The following FGD4 variants were observed in gnomAD, a reference collection of about 807,000 sequenced individuals.
The protein encoded by FGD4 is FYVE, RhoGEF and PH domain containing 4.
A neutral mutation model predicts 102.0 loss-of-function variants in FGD4; 42 were observed. The observed-to-expected ratio is 0.41, with a 90% CI of 0.32 to 0.53. The LOEUF (loss-of-function observed/expected upper bound fraction) is 0.53. Among genes scored for constraint, FGD4 ranks in the 20% least tolerant of loss-of-function variants. The pLI is 0.21. For missense variants in FGD4, 902 were observed against 1,078.2 expected (o/e 0.84, Z 2.29); for synonymous variants, 380 against 375.7 (o/e 1.01, Z -0.13).
At chr12:32,578,988 CT>C (rs1946357712) in intron 3 of FGD4, among the ~76,000 whole-genome samples, 1 of 145,624 alleles carries the variant, frequency 6.9e-6, no homozygotes, top group Non-Finnish European at 1.5e-5. Context: ...CTAGGAACCA[CT>C]TTAAGATTTT....
In FGD4 at chr12:32,640,635, T is replaced by C. The variant is rs1592516577; in HGVS notation, c.*102T>C. ...TGCTAGCACTTTATGTTGAAAAATA[T>C]AGGCCCATAAATGCATCTTTTGAGG... On this transcript the variant is annotated 3_prime_UTR_variant, in exon 17 of 17. Coordinates refer to ENST00000534526, the MANE Select transcript of FGD4 (RefSeq NM_001370298.3). The C allele has an allele frequency of 6.5e-7, 1 of 1,528,374 alleles. No homozygotes were observed. Among genetic ancestry groups the C allele is most frequent in the Non-Finnish European group, 9.0e-7 (1 of 1,114,660 alleles). The allele number at this position is 1,528,374 out of a possible 1,614,324, so 94.7% of individuals were successfully genotyped here. A position where few individuals can be genotyped will look rare whatever the true frequency, so the allele number is the denominator to read the frequency against.
At chr12:32,417,278 T>G (rs1340385206) in intron 1 of FGD4, among the ~76,000 whole-genome samples, 2 of 152,172 alleles carry the variant, frequency 1.3e-5, no homozygotes, top group Non-Finnish European at 2.9e-5. Flanking sequence ...TCAGCTTTTG[T>G]TTGTCTGGGA....
At chr12:32,569,421 G>A (rs1945461787) in intron 2 of FGD4, among the ~76,000 whole-genome samples, 1 of 152,114 alleles carries the variant, frequency 6.6e-6, no homozygotes, top group African/African-American at 2.4e-5. Context: ...TTGTCCACAT[G>A]CCCATTCTGC....
chr12:32,590,880 A>G (rs943904591), intron 4 of FGD4, among the ~76,000 whole-genome samples: 2 of 152,224 alleles, frequency 1.3e-5, no homozygotes, highest in Non-Finnish European at 2.9e-5. Context: ...GAACTTTGGA[A>G]TATCACAGAA....
chr12:32,585,614 C>G (rs948527222), intron 4 of FGD4, among the ~76,000 whole-genome samples: 67 of 151,882 alleles, frequency 4.4e-4, no homozygotes, highest in African/African-American at 1.6e-3. Context: ...GGCAGAGGAT[C>G]TCTCGAGTCC....
At chr12:32,499,600 A>G (rs1214525035) in intron 1 of FGD4, among the ~76,000 whole-genome samples, 1 of 152,196 alleles carries the variant, frequency 6.6e-6, no homozygotes, top group Non-Finnish European at 1.5e-5. Context: ...GAGTAAATAT[A>G]TTTTTAGAAG....
chr12:32,445,609 T>C (rs1228843195), intron 1 of FGD4, among the ~76,000 whole-genome samples: 1 of 152,360 alleles, frequency 6.6e-6, no homozygotes, highest in Middle Eastern at 3.4e-3. Context: ...CCTCTGTGCA[T>C]TGGCTATTTT....
At chr12:32,541,797 G>A (rs1942855857) in intron 1 of FGD4, among the ~76,000 whole-genome samples, 1 of 152,138 alleles carries the variant, frequency 6.6e-6, no homozygotes, top group Non-Finnish European at 1.5e-5. Context: ...TCAAAAAGAA[G>A]AATTTTGATC....
intron 1 of FGD4, among the ~76,000 whole-genome samples, chr12:32,485,442 T>TTC (rs1271830316): frequency 6.8e-6 from 1 of 146,800 alleles, no homozygotes; most frequent in Admixed American, 6.8e-5. Context: ...ACCAATTTTT[T>TTC]TTTTTTTTTT....
intron 11 of FGD4, among the ~76,000 whole-genome samples, chr12:32,620,454 T>C (rs1388491119): frequency 6.6e-6 from 1 of 152,026 alleles, no homozygotes; most frequent in Non-Finnish European, 1.5e-5. Context: ...TTTTATTTAT[T>C]GATTGGGAGA....
At chr12:32,519,901 C>G (rs1435229031) in intron 1 of FGD4, among the ~76,000 whole-genome samples, 1 of 152,142 alleles carries the variant, frequency 6.6e-6, no homozygotes, top group Non-Finnish European at 1.5e-5. Flanking sequence ...GAGCTGAGAT[C>G]ATGCCACTGC....
chr12:32,402,613 T>C lies in FGD4; in HGVS notation c.166+2654T>C, dbSNP rs561711750. Among the ~76,000 whole-genome samples, 3 of 152,128 alleles carry C rather than the reference T, an allele frequency of 2.0e-5. No individual in the cohort carries two copies. In the South Asian group the frequency reaches 6.2e-4, roughly 32 times the overall value. ...ACAGGCACACACCATTTTTTTTTTT[T>C]TTAATTCAAAGAAAACCCAGAGCAG... On this transcript the variant is annotated intron_variant, in intron 1 of 16. Coordinates refer to ENST00000534526, the MANE Select transcript of FGD4 (RefSeq NM_001370298.3).
At chr12:32,437,276 G>T (rs1364501798) in intron 1 of FGD4, among the ~76,000 whole-genome samples, 2 of 152,148 alleles carry the variant, frequency 1.3e-5, no homozygotes, top group African/African-American at 4.8e-5. Context: ...AAAACAAAAG[G>T]TTACACCTCA....
intron 14 of FGD4, among the ~76,000 whole-genome samples, chr12:32,630,538 G>A (rs981956789): frequency 1.3e-5 from 2 of 151,990 alleles, no homozygotes; most frequent in African/African-American, 4.8e-5. Context: ...AAATTGGCTG[G>A]GTGCAGTGGC....
intron 2 of FGD4, among the ~76,000 whole-genome samples, chr12:32,575,696 T>C (rs1490010457): frequency 2.0e-5 from 3 of 152,228 alleles, no homozygotes; most frequent in African/African-American, 7.2e-5. Context: ...CTGAGAGAAC[T>C]ATAAAGTATA....
intron 10 of FGD4, among the ~76,000 whole-genome samples, chr12:32,612,002 A>T (rs10844255): frequency 6.6e-6 from 1 of 152,064 alleles, no homozygotes. Context: ...GCAAATTTGG[A>T]GCCAAGCCTA....
chr12:32,474,331 A>G (rs549169346), intron 1 of FGD4, among the ~76,000 whole-genome samples: 4 of 152,206 alleles, frequency 2.6e-5, no homozygotes, highest in Non-Finnish European at 4.4e-5. Context: ...TAATAGCCAA[A>G]AGGTGGAAAC....
intron 1 of FGD4, among the ~76,000 whole-genome samples, chr12:32,415,699 C>A (rs942100442): frequency 1.3e-5 from 2 of 152,142 alleles, no homozygotes; most frequent in African/African-American, 4.8e-5. Context: ...AGCCACCAGG[C>A]GTGAGCCACC....
At chr12:32,475,907 T>C (rs1331987122) in intron 1 of FGD4, among the ~76,000 whole-genome samples, 2 of 152,214 alleles carry the variant, frequency 1.3e-5, no homozygotes. Flanking sequence ...GTCCAACTTC[T>C]TTATATTTCC....
Sources: allele counts gnomAD v4.1 joint callset (sites outside exome capture counted in the v4.1 genomes callset), GRCh38; gene constraint gnomAD v4.1.1; transcripts MANE v1.5; gene names NCBI Gene and HGNC (gene_info 2026-07-23, HGNC 2026-07-21).